ATP13A3: variants seen among roughly 807,000 people sequenced by gnomAD.
ATP13A3 encodes the protein polyamine-transporting ATPase 13A3.
A neutral mutation model predicts 158.1 loss-of-function variants in ATP13A3; 59 were observed. That is an observed-to-expected ratio of 0.37 (90% CI 0.30 to 0.46). The LOEUF (loss-of-function observed/expected upper bound fraction) is 0.46, where lower values mean the gene tolerates loss of function less well. Among genes scored for constraint, ATP13A3 ranks in the 20% least tolerant of loss-of-function variants. The probability of loss-of-function intolerance (pLI) is 1.00; values close to 1 mark genes in which losing one functional copy is unlikely to be tolerated. For synonymous variants in ATP13A3, 491 were observed against 504.3 expected (o/e 0.97, Z 0.35); for missense variants, 1,166 against 1,525.2 (o/e 0.76, Z 3.92).
intron 10 of ATP13A3, among the ~76,000 whole-genome samples, chr3:194,453,427 TAAAAAAA>T (rs35823728): frequency 6.9e-6 from 1 of 145,312 alleles, no homozygotes; most frequent in African/African-American, 2.5e-5. Context: ...ACCCTGTCTC[TAAAAAAA>T]AAAAAAATAG....
rs772262718 is a variant in ATP13A3, at chr3:194,433,794, G to A, written c.2223C>T (p.Asn741=). Residue 741 remains asparagine, a synonymous_variant, in exon 21 of 34, where the codon AAC becomes AAT. Transcript: ENST00000645319. ...PAVLEDLHKA[N]IRTVMVTGDS... The stretch of plus-strand genomic sequence containing the variant: ...AACCTGTGACCATGACGGTGCGAAT[G>A]TTGGCTTTATGCAAATCTTCAAGTA... The A allele has an allele frequency of 2.5e-6, 4 of 1,614,000 alleles. No individual in the cohort carries two copies. The highest frequency in any genetic ancestry group is 1.7e-5 in the Admixed American group (1 of 60,000).
At chr3:194,449,951 C>T (rs1276939569) in intron 11 of ATP13A3, among the ~76,000 whole-genome samples, 194 bp downstream of exon 11, 1 of 152,032 alleles carries the variant, frequency 6.6e-6, no homozygotes, top group Non-Finnish European at 1.5e-5. Flanking sequence ...GTGACCAACA[C>T]TATAGCACAG....
intron 31 of ATP13A3, among the ~76,000 whole-genome samples, chr3:194,417,391 A>G (rs1478767792): frequency 7.2e-6 from 1 of 138,110 alleles, no homozygotes; most frequent in Non-Finnish European, 1.5e-5. Flanking sequence ...CCAGAGCCAG[A>G]TTCTGACACA....
In ATP13A3 at chr3:194,409,010, T is replaced by A. The variant is rs143264961; in HGVS notation, c.3574-2894A>T. 7.4e-4 allele frequency among the ~76,000 whole-genome samples: 113 copies of A among 152,106 alleles called. 2 individuals are homozygous for A. In the South Asian group the frequency reaches 8.9e-3, roughly 12 times the overall value. On this transcript the variant is annotated intron_variant, in intron 33 of 33. Transcript: ENST00000645319. The stretch of plus-strand genomic sequence containing the variant: ...CTCTCCAAAACCTCTACGGCACAAG[T>A]CCCTAAAGCAGAACACAGTAGCTAT...
chr3:194,475,089 G>A (rs946007798), intron 2 of ATP13A3, among the ~76,000 whole-genome samples: 3 of 152,028 alleles, frequency 2.0e-5, no homozygotes, highest in African/African-American at 7.3e-5. Context: ...GAATAATATA[G>A]GAATAGGGAA....
intron 31 of ATP13A3, among the ~76,000 whole-genome samples, chr3:194,416,789 A>G (rs1217281619): frequency 6.6e-6 from 1 of 152,202 alleles, no homozygotes; most frequent in East Asian, 1.9e-4. Flanking sequence ...AATCCTAGAC[A>G]ATCTAAAATG....
At chr3:194,424,283 T>C (rs1247142614) in intron 30 of ATP13A3, 3 of 151,632 alleles carry the variant, frequency 2.0e-5, no homozygotes, top group African/African-American at 4.8e-5. Flanking sequence ...TATAGTTATA[T>C]AGCAATATAT....
chr3:194,410,327 A>C (rs973766564), intron 33 of ATP13A3, among the ~76,000 whole-genome samples: 13 of 148,728 alleles, frequency 8.7e-5, no homozygotes, highest in African/African-American at 3.2e-4. Context: ...AAAAAAAAAA[A>C]AAAACTGCTG....
At chr3:194,433,954 G>A in intron 20 of ATP13A3, 58 bp from the exon 21 acceptor site, 2 of 1,511,212 alleles carry the variant, frequency 1.3e-6, no homozygotes, top group Non-Finnish European at 1.8e-6. Flanking sequence ...AGCAACTTAT[G>A]TACACAAACT....
In ATP13A3 at chr3:194,433,900, C is replaced by T; in HGVS notation, c.2121-4G>A. 1 of 1,612,578 alleles carries T rather than the reference C, an allele frequency of 6.2e-7. No homozygotes were observed. On this transcript the variant is annotated splice_region_variant and splice_polypyrimidine_tract_variant and intron_variant, in intron 20 of 33. Coordinates refer to ENST00000645319, the MANE Select transcript of ATP13A3 (RefSeq NM_001367549.1). Reference sequence around the variant, plus strand: ...CATGTTGTTCTCAATTGCATCTCTGCAGAAAAAGAAGTTTTAACACATAAT... The same window carrying T: ...CATGTTGTTCTCAATTGCATCTCTGTAGAAAAAGAAGTTTTAACACATAAT...
chr3:194,466,217 G>A (rs1719980202), intron 2 of ATP13A3, among the ~76,000 whole-genome samples: 1 of 152,020 alleles, frequency 6.6e-6, no homozygotes, highest in African/African-American at 2.4e-5. Flanking sequence ...TACTCCCAGA[G>A]TAACCGCTAT....
In ATP13A3 at chr3:194,486,644, G is replaced by A. The variant is rs1184892830; in HGVS notation, c.-167C>T. 9 of 148,818 alleles carry A rather than the reference G, an allele frequency of 6.0e-5. No individual in the cohort carries two copies. Among genetic ancestry groups the A allele is most frequent in the Admixed American group, 4.7e-4 (7 of 14,864 alleles). The allele number at this position is 148,818 out of a possible 1,614,324, so 9.2% of individuals were successfully genotyped here. ...GCCGGACCAGCCCCAGGGACCGCGG[G>A]GGACCCGGCCGCCGCTGTCGCCGCC... On this transcript the variant is annotated 5_prime_UTR_variant, in exon 1 of 34. Coordinates refer to ENST00000645319, the MANE Select transcript of ATP13A3 (RefSeq NM_001367549.1).
At chr3:194,455,078 G>A (rs1338936808) in intron 8 of ATP13A3, among the ~76,000 whole-genome samples, 1 of 152,122 alleles carries the variant, frequency 6.6e-6, no homozygotes, top group African/African-American at 2.4e-5. Flanking sequence ...TAACGAAATT[G>A]AAAAATGTTT....
At chr3:194,439,265 C>T (rs1301499369) in intron 16 of ATP13A3, among the ~76,000 whole-genome samples, 1 of 152,178 alleles carries the variant, frequency 6.6e-6, no homozygotes, top group Non-Finnish European at 1.5e-5. Context: ...ACTCTTACAA[C>T]TTGTTGGGTT....
intron 14 of ATP13A3, among the ~76,000 whole-genome samples, chr3:194,445,131 A>C (rs1185383888): frequency 2.6e-5 from 4 of 152,098 alleles, no homozygotes; most frequent in African/African-American, 9.7e-5. Flanking sequence ...CTATAAAGCA[A>C]AAAAGGAAGG....
intron 33 of ATP13A3, among the ~76,000 whole-genome samples, chr3:194,407,132 A>C (rs926648166): frequency 1.3e-5 from 2 of 152,136 alleles, no homozygotes; most frequent in African/African-American, 2.4e-5. Context: ...TTTGAAATAA[A>C]TATAAATGAC....
intron 33 of ATP13A3, among the ~76,000 whole-genome samples, chr3:194,410,855 G>A (rs769739126): frequency 1.1e-4 from 14 of 128,204 alleles, no homozygotes; most frequent in Non-Finnish European, 1.9e-4. Context: ...CATGAGAGTT[G>A]ATTACATAAG....
rs1366473184 is a variant in ATP13A3, at chr3:194,448,110, C to T, written c.1151-101G>A. ...TTTTTTTTTTTGAGACAGAGTCTCG[C>T]TCTGTCACCCAGGCTGGAGTACAGT... On this transcript the variant is annotated intron_variant, in intron 12 of 33. Transcript: ENST00000645319. This position sits in a 1 kb window ranked among gnomAD's most constrained non-coding sequence, Gnocchi z 4.0. The T allele has an allele frequency of 3.4e-6, 4 of 1,168,444 alleles. No individual in the cohort carries two copies. The highest frequency in any genetic ancestry group is 3.7e-6 in the Non-Finnish European group (3 of 809,204). 72.4% of individuals were successfully genotyped at this position (1,168,444 alleles called of 1,614,324 possible).
chr3:194,479,256 A>G (rs1195899536), intron 2 of ATP13A3, among the ~76,000 whole-genome samples: 2 of 152,262 alleles, frequency 1.3e-5, no homozygotes, highest in Non-Finnish European at 2.9e-5. Flanking sequence ...GTACATTTTC[A>G]TATCAAAAAG....
Sources: allele counts gnomAD v4.1 joint callset (sites outside exome capture counted in the v4.1 genomes callset), GRCh38; gene constraint gnomAD v4.1.1; non-coding constraint Gnocchi (gnomAD v3.1); transcripts MANE v1.5; gene names NCBI Gene and HGNC (gene_info 2026-07-23, HGNC 2026-07-21).